Variants in ZMYND8 observed in about 807,000 individuals in gnomAD.
The protein encoded by ZMYND8 is zinc finger MYND-type containing 8.
A neutral mutation model predicts 140.8 loss-of-function variants in ZMYND8; 37 were observed. That is an observed-to-expected ratio of 0.26 (90% CI 0.20 to 0.35). The LOEUF is 0.35. Ranked by LOEUF, ZMYND8 falls within the 10% of genes least tolerant of loss-of-function variation. ZMYND8 has a pLI of 1.00. For missense variants in ZMYND8, 1,068 were observed against 1,570.0 expected (o/e 0.68, Z 5.40); for synonymous variants, 592 against 597.1 (o/e 0.99, Z 0.12).
Position 47,298,323 on chromosome 20 carries a change from A to G in ZMYND8, c.453+406T>C, listed in dbSNP as rs2077778247. The stretch of plus-strand genomic sequence containing the variant: ...ACATGCAACCAAACGTGGTCTTCTC[A>G]GCTTGGCTACTGCTGATGATTCAAT... On this transcript the variant is annotated intron_variant, in intron 4 of 22. Coordinates refer to ENST00000471951, the MANE Select transcript of ZMYND8 (RefSeq NM_001281775.3). The surrounding 1 kb of genome is among the most constrained non-coding windows in gnomAD (Gnocchi z 5.0). 1 of 985,456 alleles carries G rather than the reference A, an allele frequency of 1.0e-6. No homozygotes were observed. The highest frequency in any genetic ancestry group is 1.2e-6 in the Non-Finnish European group (1 of 829,942). The allele number at this position is 985,456 out of a possible 1,614,324, so 61.0% of individuals were successfully genotyped here.
intron 11 of ZMYND8, among the ~76,000 whole-genome samples, chr20:47,270,017 G>A (rs535581449): frequency 6.6e-6 from 1 of 152,198 alleles, no homozygotes; most frequent in Non-Finnish European, 1.5e-5. Context: ...GCTGAGGCAG[G>A]CAGATCGTTT....
At chr20:47,252,333 C>T (rs919032207) in intron 12 of ZMYND8, among the ~76,000 whole-genome samples, 21 of 146,606 alleles carry the variant, frequency 1.4e-4, no homozygotes, top group African/African-American at 5.2e-4. Flanking sequence ...TAAAGAGTTC[C>T]AGTAGGCAGG....
intron 6 of ZMYND8, 29 bp downstream of exon 6, chr20:47,291,767 A>C (rs1273817194): frequency 6.3e-7 from 1 of 1,591,180 alleles, no homozygotes; most frequent in African/African-American, 1.3e-5. Flanking sequence ...TGTGGGCTAG[A>C]ATGGTGAGGT....
At chr20:47,280,712 T>C (rs2076554232) in intron 10 of ZMYND8, among the ~76,000 whole-genome samples, 1 of 152,210 alleles carries the variant, frequency 6.6e-6, no homozygotes. Flanking sequence ...GGTTCACATT[T>C]GTCATGCTCT....
chr20:47,213,702 AAGG>A (rs1442309381), intron 21 of ZMYND8, among the ~76,000 whole-genome samples: 3 of 152,248 alleles, frequency 2.0e-5, no homozygotes, highest in Non-Finnish European at 4.4e-5. Flanking sequence ...CAAAAGAGCT[AAGG>A]AGGCAAGTGT....
chr20:47,335,956 C>T (rs771520192), intron 2 of ZMYND8, among the ~76,000 whole-genome samples: 1 of 152,158 alleles, frequency 6.6e-6, no homozygotes, highest in African/African-American at 2.4e-5. Flanking sequence ...GCACAGTACA[C>T]GGATGGCACT....
intron 2 of ZMYND8, among the ~76,000 whole-genome samples, chr20:47,343,977 T>TG (rs2082130792): frequency 6.7e-6 from 1 of 150,306 alleles, no homozygotes; most frequent in Non-Finnish European, 1.5e-5. Flanking sequence ...TTTTTTTTTT[T>TG]TCTTTTTGAG....
chr20:47,309,767 G>GAAAA (rs771877520), intron 3 of ZMYND8, among the ~76,000 whole-genome samples: 1 of 139,398 alleles, frequency 7.2e-6, no homozygotes, highest in Non-Finnish European at 1.6e-5. Flanking sequence ...CTAAAAGCAT[G>GAAAA]AAAAAAAAAA....
At chr20:47,223,188 C>G (rs1170220064) in intron 19 of ZMYND8, among the ~76,000 whole-genome samples, 1 of 152,154 alleles carries the variant, frequency 6.6e-6, no homozygotes, top group Non-Finnish European at 1.5e-5. Context: ...GTATCATTTG[C>G]CACAAATAAA....
chr20:47,283,485 T>A, intron 9 of ZMYND8, 86 bp downstream of exon 9: 1 of 1,391,262 alleles, frequency 7.2e-7, no homozygotes, highest in Non-Finnish European at 1.0e-6. Context: ...TTTCATCTAA[T>A]AAGCCACCTG....
chr20:47,318,944 C>T (rs781166479), intron 2 of ZMYND8: 2 of 1,350,586 alleles, frequency 1.5e-6, no homozygotes, highest in Admixed American at 3.8e-5. Flanking sequence ...CAAGAGGAGG[C>T]ACTTACCTGC....
At chr20:47,213,173 T>G (rs1182140798) in intron 21 of ZMYND8, among the ~76,000 whole-genome samples, 1 of 151,864 alleles carries the variant, frequency 6.6e-6, no homozygotes, top group Non-Finnish European at 1.5e-5. Context: ...GAGGAGAGGA[T>G]GGAGAAGGCA....
At chr20:47,324,239 G>T (rs73624613) in intron 2 of ZMYND8, among the ~76,000 whole-genome samples, 1 of 147,492 alleles carries the variant, frequency 6.8e-6, no homozygotes, top group Non-Finnish European at 1.5e-5. Flanking sequence ...AACCTTTACC[G>T]GTCGTGGTGT....
intron 2 of ZMYND8, among the ~76,000 whole-genome samples, chr20:47,322,589 T>C (rs927265993): frequency 6.6e-6 from 1 of 151,808 alleles, no homozygotes; most frequent in African/African-American, 2.4e-5. Context: ...TACAGGCACG[T>C]ACCACCACAC....
rs546151072 is a variant in ZMYND8 at position 47,337,081 on chromosome 20, G to A, written c.85+10775C>T. Reference sequence around the variant, plus strand: ...AAAATCAAAGGGCCAGCCAGGCACGGTGGCTCACGCCTGTAATCCCAGCAC... The same window carrying A: ...AAAATCAAAGGGCCAGCCAGGCACGATGGCTCACGCCTGTAATCCCAGCAC... On this transcript the variant is annotated intron_variant, in intron 2 of 22. Transcript: ENST00000471951. 5.3e-5 allele frequency among the ~76,000 whole-genome samples: 8 copies of A among 152,036 alleles called. No homozygotes were observed. The East Asian group carries it at 1.5e-3, about 29-fold the overall frequency.
chr20:47,295,663 T>C (rs1444474889), intron 4 of ZMYND8, among the ~76,000 whole-genome samples: 1 of 152,208 alleles, frequency 6.6e-6, no homozygotes, highest in Non-Finnish European at 1.5e-5. Context: ...TAAGGCACTG[T>C]GTCAAAGTAC....
At chr20:47,224,103 A>G (rs2037370673) in intron 19 of ZMYND8, among the ~76,000 whole-genome samples, 1 of 152,262 alleles carries the variant, frequency 6.6e-6, no homozygotes, top group African/African-American at 2.4e-5. Context: ...GGGTTCTGCA[A>G]AGATCAAAGG....
chr20:47,228,910 C>T (rs1216456341), intron 17 of ZMYND8, among the ~76,000 whole-genome samples: 2 of 152,168 alleles, frequency 1.3e-5, no homozygotes, highest in African/African-American at 4.8e-5. Context: ...GCCCACTCTC[C>T]AAGCCCTGAT....
chr20:47,343,220 G>C (rs1602113875), intron 2 of ZMYND8, among the ~76,000 whole-genome samples: 1 of 152,128 alleles, frequency 6.6e-6, no homozygotes, highest in Admixed American at 6.6e-5. Flanking sequence ...AGCAGGTCAA[G>C]GCTGCAATGA....
Sources: gnomAD v4.1 joint callset for allele counts (sites outside exome capture counted in the v4.1 genomes callset) on GRCh38, gnomAD v4.1.1 for gene constraint, Gnocchi (gnomAD v3.1) non-coding constraint, MANE v1.5 for transcripts, NCBI Gene and HGNC (gene_info 2026-07-23, HGNC 2026-07-21) for gene names.